The following MYO1C variants were observed in gnomAD, a reference collection of about 807,000 sequenced individuals.
The protein encoded by MYO1C is myosin IC.
Under a neutral mutation model 150.8 loss-of-function variants are expected in MYO1C, and 104 were observed. That is an observed-to-expected ratio of 0.69 (90% confidence interval 0.59 to 0.81). MYO1C has a LOEUF of 0.81. MYO1C is among the 30% of genes least tolerant of loss of function. The pLI, the probability that MYO1C is intolerant of heterozygous loss-of-function variation, is 0.00. For missense variants in MYO1C, 1,504 were observed against 1,435.0 expected (o/e 1.05, Z -0.78); for synonymous variants, 663 against 579.9 (o/e 1.14, Z -2.06).
chr17:1,474,653 C>A lies in MYO1C; in HGVS notation c.1754G>T (p.Cys585Phe), dbSNP rs142135810. Residue 585 changes from cysteine (C) to phenylalanine (F), a missense_variant, in exon 17 of 32, where the codon TGC becomes TTC. By Grantham distance (205) the Cys-to-Phe change is radical (BLOSUM62 -2). Transcript: ENST00000648651. Reference protein sequence around the residue: ...CSSKNPIMSQCFDRSELSDKK... With the variant: ...CSSKNPIMSQFFDRSELSDKK... ...GTCACTGAGCTCGCTCCGGTCAAAG[C>A]ACTGGCTCATAATGGGATTCTTTGA... The A allele has an allele frequency of 1.9e-6, 3 of 1,613,940 alleles. No homozygotes were observed. In the African/African-American group the frequency reaches 4.0e-5, roughly 22 times the overall value.
Position 1,480,809 on chromosome 17 carries a change from C to T in MYO1C, c.704G>A (p.Arg235Gln), listed in dbSNP as rs753887455. The T allele has an allele frequency of 3.3e-5, 54 of 1,614,028 alleles. No homozygotes were observed. The highest frequency in any genetic ancestry group is 6.6e-5 in the South Asian group (6 of 91,086). Residue 235 changes from arginine to glutamine, a missense_variant, in exon 6 of 32, where the codon CGG (arginine) becomes CAG (glutamine). Physicochemically the swap from Arg to Gln is conservative, Grantham distance 43. Coordinates refer to ENST00000648651, the MANE Select transcript of MYO1C (RefSeq NM_001080779.2). ...CAGCTGGTAGAAGATGTGGAAGTTC[C>T]GCTCCCCATGATTCTGGTGCACCAC... ...SRVVHQNHGE[R>Q]NFHIFYQLLE...
Position 1,469,517 on chromosome 17 carries a change from C to CCCGCTCT in MYO1C, c.2610+7_2610+13dup. On this transcript the variant is annotated intron_variant, in intron 25 of 31. Transcript: ENST00000648651. Reference sequence around the variant, plus strand: ...CTCCACTTCCTCATCCTCACCCAGCCCCGCTCTCCGTACCTGCTGCTTCCA... The same window carrying CCCGCTCT: ...CTCCACTTCCTCATCCTCACCCAGCCCCGCTCTCCGCTCTCCGTACCTGCTGCTTCCA... 6.2e-7 allele frequency: 1 copy of CCCGCTCT among 1,600,780 alleles called. No individual in the cohort carries two copies.
At position 1,472,093 on chromosome 17, in the gene MYO1C, GC is replaced by G. The variant is rs781140740; in HGVS notation, c.1903+29del. The G allele has an allele frequency of 3.0e-5, 48 of 1,613,172 alleles. No homozygotes were observed. In the African/African-American group the frequency reaches 5.2e-4, roughly 17 times the overall value. On this transcript the variant is annotated intron_variant, in intron 18 of 31. Transcript: ENST00000648651. ...GCCTGTCTCCTGCAGGGGAGGCCCG[GC>G]CCCGAAGTCCCCCGTGGGAGGGGCC...
chr17:1,471,464 G>C (rs139019148), intron 19 of MYO1C, 128 bp from the exon 20 acceptor site: 33 of 751,376 alleles, frequency 4.4e-5, no homozygotes, highest in Non-Finnish European at 7.0e-5. Flanking sequence ...AGGCTCACTC[G>C]GTCACTGCCC....
intron 14 of MYO1C, among the ~76,000 whole-genome samples, chr17:1,476,355 TAG>T (rs1285081547): frequency 6.6e-6 from 1 of 152,166 alleles, no homozygotes; most frequent in East Asian, 1.9e-4. Flanking sequence ...GTAGTTTTAA[TAG>T]AGATAGGGTT....
chr17:1,475,676 T>G lies in MYO1C; in HGVS notation c.1575-644A>C, dbSNP rs186946454. On this transcript the variant is annotated intron_variant, in intron 14 of 31. Coordinates refer to ENST00000648651, the MANE Select transcript of MYO1C (RefSeq NM_001080779.2). ...GCTGCCCCAAGAGAGCACTTAAGTCTTAGGCGTGTTTATACCCTTTCACCC... is the reference window on the plus strand; with the variant it reads ...GCTGCCCCAAGAGAGCACTTAAGTCGTAGGCGTGTTTATACCCTTTCACCC... 3.9e-5 allele frequency among the ~76,000 whole-genome samples: 6 copies of G among 152,354 alleles called. 1 individual carries two copies. The highest frequency in any genetic ancestry group is 3.3e-4 in the Admixed American group (5 of 15,304).
chr17:1,484,518 G>T, intron 1 of MYO1C: 1 of 627,830 alleles, frequency 1.6e-6, no homozygotes, highest in Non-Finnish European at 2.8e-6. Flanking sequence ...CCGGGTCCCA[G>T]TGTGGCAGCA....
In MYO1C at chr17:1,487,251, C is replaced by T. The variant is rs980508468; in HGVS notation, c.76-2948G>A. Among the ~76,000 whole-genome samples, 7 of 152,340 alleles carry T rather than the reference C, an allele frequency of 4.6e-5. No homozygotes were observed. In the East Asian group the frequency reaches 1.4e-3, roughly 29 times the overall value. On this transcript the variant is annotated intron_variant, in intron 1 of 31. Transcript: ENST00000648651. ...GGCCTACTGAGAGCCAGGCCGTGGG[C>T]CACGCTTCCGATCCGGTGGGGAGAG...
At chr17:1,472,403 C>A in intron 17 of MYO1C, 175 bp from the exon 18 acceptor site, 2 of 619,252 alleles carry the variant, frequency 3.2e-6, no homozygotes, top group South Asian at 1.9e-5. Flanking sequence ...AGACTCCACC[C>A]CTTACCCCTC....
intron 1 of MYO1C, among the ~76,000 whole-genome samples, chr17:1,487,272 G>A (rs939226570): frequency 2.6e-5 from 4 of 152,222 alleles, no homozygotes; most frequent in Admixed American, 1.3e-4. Flanking sequence ...ATCCGGTGGG[G>A]AGAGCCTCAG....
rs766685895 is a variant in MYO1C at position 1,465,675 on chromosome 17, G to T, written c.*51C>A. 1.5e-6 allele frequency: 2 copies of T among 1,327,232 alleles called. No homozygotes were observed. The highest frequency in any genetic ancestry group is 3.0e-5 in the Admixed American group (1 of 32,928). The allele number at this position is 1,327,232 out of a possible 1,614,324, so 82.2% of individuals were successfully genotyped here. A position where few individuals can be genotyped will look rare whatever the true frequency, so the allele number is the denominator to read the frequency against. On this transcript the variant is annotated 3_prime_UTR_variant, in exon 32 of 32. Coordinates refer to ENST00000648651, the MANE Select transcript of MYO1C (RefSeq NM_001080779.2). ...AGTCTTTGGTAACTGGGAAGGGGAGGAGGAGAAAAGCAAAGCATTGGGCGT... is the reference window on the plus strand; with the variant it reads ...AGTCTTTGGTAACTGGGAAGGGGAGTAGGAGAAAAGCAAAGCATTGGGCGT...
intron 21 of MYO1C, 76 bp from the exon 22 acceptor site, chr17:1,470,765 G>T: frequency 2.1e-6 from 3 of 1,445,302 alleles, no homozygotes; most frequent in South Asian, 1.2e-5. Context: ...TGCGCTCCAC[G>T]AGTGGCATGA....
At position 1,474,592 on chromosome 17, in the gene MYO1C, G is replaced by T; in HGVS notation, c.1797+18C>A. On this transcript the variant is annotated intron_variant, in intron 17 of 31. Coordinates refer to ENST00000648651, the MANE Select transcript of MYO1C (RefSeq NM_001080779.2). ...TCAGGCGCATGCACCCCTGCGCCCG[G>T]TCCCGCCACCTCCTCACCGTCTCTG... The T allele has an allele frequency of 5.6e-6, 9 of 1,613,080 alleles. No individual in the cohort carries two copies. Among genetic ancestry groups the T allele is most frequent in the Non-Finnish European group, 7.6e-6 (9 of 1,179,808 alleles).
At position 1,470,191 on chromosome 17, in the gene MYO1C, G is replaced by C; in HGVS notation, c.2510C>G (p.Pro837Arg). Residue 837 changes from proline (P) to arginine (R), a missense_variant, in exon 24 of 32, where the codon CCA (proline) becomes CGA (arginine). Physicochemically the swap from Pro to Arg is moderately radical, Grantham distance 103. Transcript: ENST00000648651. The part of the protein sequence containing the change: ...NVLDTSWPTP[P>R]PALREASELL... Reference sequence around the variant, plus strand: ...CCCACAGACCTCACGCAGGGCAGGTGGGGGCGTGGGCCACGAGGTGTCCAG... The same window carrying C: ...CCCACAGACCTCACGCAGGGCAGGTCGGGGCGTGGGCCACGAGGTGTCCAG... The C allele has an allele frequency of 6.2e-7, 1 of 1,610,756 alleles. No individual in the cohort carries two copies. The highest frequency in any genetic ancestry group is 8.5e-7 in the Non-Finnish European group (1 of 1,179,158).
chr17:1,471,105 T>G lies in MYO1C; in HGVS notation c.2178A>C (p.Thr726=), dbSNP rs1248912794. The change falls in exon 21 of 32, where the codon ACA becomes ACC. Residue 726 remains threonine, a synonymous_variant. Transcript: ENST00000648651. ...FIRFPKTLFA[T]EDALEVRRQS... ...GCCGCCGGACCTCCAGGGCATCCTC[T>G]GTGGCAAACAGGGTCTTGGGGAAGC... 1 of 1,614,040 alleles carries G rather than the reference T, an allele frequency of 6.2e-7. No homozygotes were observed. Among genetic ancestry groups the G allele is most frequent in the Non-Finnish European group, 8.5e-7 (1 of 1,180,014 alleles).
intron 21 of MYO1C, 107 bp from the exon 22 acceptor site, chr17:1,470,796 A>G: frequency 8.3e-7 from 1 of 1,206,936 alleles, no homozygotes; most frequent in Non-Finnish European, 1.2e-6. Context: ...GGCTGAAGGA[A>G]CCAACGAGCA....
chr17:1,467,304 T>C lies in MYO1C; in HGVS notation c.3103A>G (p.Ile1035Val). Residue 1035 changes from isoleucine to valine, a missense_variant, in exon 31 of 32, where the codon ATT becomes GTT. Transcript: ENST00000648651. Reference sequence around the variant, plus strand: ...AGCTCCGAGCCGGGTGTGAAGTCAATGGTGCCATCCCTGCCGGGGCCCCCT... The same window carrying C: ...AGCTCCGAGCCGGGTGTGAAGTCAACGGTGCCATCCCTGCCGGGGCCCCCT... ...FAGGPGRDGT[I>V]DFTPGSELLI... 6.2e-7 allele frequency: 1 copy of C among 1,613,636 alleles called. No individual in the cohort carries two copies. The highest frequency in any genetic ancestry group is 8.5e-7 in the Non-Finnish European group (1 of 1,179,876).
At chr17:1,488,492 C>G (rs2074693763) in intron 1 of MYO1C, among the ~76,000 whole-genome samples, 1 of 152,234 alleles carries the variant, frequency 6.6e-6, no homozygotes, top group African/African-American at 2.4e-5. Flanking sequence ...TTGGGTTACT[C>G]CTTTCAGTGA....
rs546864610 is a variant in MYO1C, at chr17:1,479,943, C to T, written c.907-238G>A. On this transcript the variant is annotated intron_variant, in intron 7 of 31. Transcript: ENST00000648651. The surrounding 1 kb of genome is among the most constrained non-coding windows in gnomAD (Gnocchi z 4.2). ...GGAGGATCATCTGAGGTCAGGAGTT[C>T]GAGACCAGCCCAGCCAACATGGCAA... 3.3e-5 allele frequency among the ~76,000 whole-genome samples: 5 copies of T among 151,364 alleles called. No homozygotes were observed. The highest frequency in any genetic ancestry group is 2.1e-4 in the South Asian group (1 of 4,788).
Sources: allele counts gnomAD v4.1 joint callset (sites outside exome capture counted in the v4.1 genomes callset), GRCh38; gene constraint gnomAD v4.1.1; non-coding constraint Gnocchi (gnomAD v3.1); transcripts MANE v1.5; gene names NCBI Gene and HGNC (gene_info 2026-07-23, HGNC 2026-07-21).